The following XKR9 variants were observed in gnomAD, a reference collection of about 807,000 sequenced individuals.
The protein encoded by XKR9 is XK related 9, also known as XK-related protein 9.
Under a neutral mutation model 32.0 loss-of-function variants are expected in XKR9, and 32 were observed. The ratio of observed to expected loss-of-function variants is 1.00; its 90% CI spans 0.76 to 1.34. The LOEUF is 1.34. Among genes scored for constraint, XKR9 ranks in the 40% most tolerant of loss-of-function variants. The pLI is 0.00. For synonymous variants in XKR9, 168 were observed against 143.4 expected, an observed-to-expected ratio of 1.17 and a Z score of -1.22; for missense variants, 546 against 429.7, an observed-to-expected ratio of 1.27 and a Z score of -2.39.
the XKR9 span, among the ~76,000 whole-genome samples, chr8:71,065,403 C>A: frequency 6.6e-6 from 1 of 152,164 alleles, no homozygotes; most frequent in South Asian, 2.1e-4. Context: ...CACCTGCAAA[C>A]CCCAAAGAGA....
chr8:70,836,476 A>C, the XKR9 span, among the ~76,000 whole-genome samples: 1 of 151,960 alleles, frequency 6.6e-6, no homozygotes. Flanking sequence ...TCAGCATACT[A>C]TTTTTGGGTC....
the XKR9 span, among the ~76,000 whole-genome samples, chr8:70,926,348 G>C: frequency 6.6e-6 from 1 of 152,186 alleles, no homozygotes; most frequent in Non-Finnish European, 1.5e-5. Flanking sequence ...TGGGATTACA[G>C]GCGTGAGCCA....
chr8:70,682,759 T>C (rs1454383226), intron 3 of XKR9, among the ~76,000 whole-genome samples: 1 of 152,224 alleles, frequency 6.6e-6, no homozygotes, highest in African/African-American at 2.4e-5. Context: ...AAGCCTGTTT[T>C]GCTTTTTCAA....
the XKR9 span, among the ~76,000 whole-genome samples, chr8:70,962,178 T>C: frequency 3.3e-5 from 5 of 152,262 alleles, no homozygotes; most frequent in African/African-American, 1.2e-4. Context: ...TTAAATATCT[T>C]AGTAAGTTGT....
chr8:70,673,104 G>A (rs903911068), intron 1 of XKR9, among the ~76,000 whole-genome samples: 2 of 152,048 alleles, frequency 1.3e-5, no homozygotes, highest in East Asian at 1.9e-4. Flanking sequence ...AGTCGTATGT[G>A]CTTTTGAGGT....
intron 4 of XKR9, among the ~76,000 whole-genome samples, chr8:70,724,885 A>G (rs1397605255): frequency 1.3e-5 from 2 of 152,066 alleles, no homozygotes; most frequent in Non-Finnish European, 2.9e-5. Flanking sequence ...TCTGTTACCA[A>G]TTTACTGTAT....
chr8:70,888,285 T>G, the XKR9 span, among the ~76,000 whole-genome samples: 1 of 152,156 alleles, frequency 6.6e-6, no homozygotes, highest in Non-Finnish European at 1.5e-5. Flanking sequence ...CATGTTTAAA[T>G]TAGATTATTT....
At chr8:70,904,575 A>G in the XKR9 span, among the ~76,000 whole-genome samples, 2 of 152,070 alleles carry the variant, frequency 1.3e-5, no homozygotes, top group African/African-American at 4.8e-5. Context: ...TCTTTATCCA[A>G]TTTGCCAGTC....
At chr8:70,989,022 C>T in the XKR9 span, among the ~76,000 whole-genome samples, 2 of 152,166 alleles carry the variant, frequency 1.3e-5, no homozygotes, top group African/African-American at 2.4e-5. Context: ...TATTATATTC[C>T]ATTACACGTA....
chr8:70,818,227 A>G, the XKR9 span, among the ~76,000 whole-genome samples: 1 of 150,950 alleles, frequency 6.6e-6, no homozygotes, highest in Middle Eastern at 3.4e-3. Flanking sequence ...CCACATGATT[A>G]TCTCTTTTAT....
At chr8:70,951,869 G>GA in the XKR9 span, among the ~76,000 whole-genome samples, 1 of 100,534 alleles carries the variant, frequency 9.9e-6, no homozygotes, top group Non-Finnish European at 1.9e-5. Context: ...AGCATCATTG[G>GA]GGGGGGGGTG....
the XKR9 span, among the ~76,000 whole-genome samples, chr8:70,958,341 C>A: frequency 6.6e-6 from 1 of 152,194 alleles, no homozygotes; most frequent in Non-Finnish European, 1.5e-5. Context: ...CTTCCTATTT[C>A]TCCACAACCT....
At chr8:70,821,628 C>T in the XKR9 span, among the ~76,000 whole-genome samples, 1 of 152,230 alleles carries the variant, frequency 6.6e-6, no homozygotes, top group African/African-American at 2.4e-5. Context: ...GGTTCCCAAA[C>T]CTCAACTCTT....
chr8:70,818,853 G>A, the XKR9 span, among the ~76,000 whole-genome samples: 25 of 152,154 alleles, frequency 1.6e-4, no homozygotes, highest in Admixed American at 7.9e-4. Flanking sequence ...GACCAAGTCC[G>A]TGGCCAGTCA....
At chr8:70,732,773 A>G (rs999723986) in intron 4 of XKR9, among the ~76,000 whole-genome samples, 2 of 152,206 alleles carry the variant, frequency 1.3e-5, no homozygotes, top group Non-Finnish European at 2.9e-5. Flanking sequence ...TGTCCTCATT[A>G]TCTTCATCAA....
the XKR9 span, among the ~76,000 whole-genome samples, chr8:70,955,081 T>C: frequency 6.6e-6 from 1 of 152,354 alleles, no homozygotes; most frequent in East Asian, 1.9e-4. Flanking sequence ...TGGCTGGAAA[T>C]TAAGAAACTT....
the XKR9 span, among the ~76,000 whole-genome samples, chr8:70,819,169 T>A: frequency 5.6e-4 from 85 of 152,308 alleles, no homozygotes; most frequent in African/African-American, 2.0e-3. Flanking sequence ...TAGCACTGCA[T>A]GGAAACAGAT....
chr8:70,731,083 A>C (rs1806647967), intron 4 of XKR9, among the ~76,000 whole-genome samples: 1 of 152,202 alleles, frequency 6.6e-6, no homozygotes, highest in Admixed American at 6.5e-5. Context: ...GCAGCCTTAT[A>C]GGGGCCCTAA....
At chr8:70,698,200 T>A (rs1184092118) in intron 3 of XKR9, among the ~76,000 whole-genome samples, 2 of 151,702 alleles carry the variant, frequency 1.3e-5, no homozygotes, top group Non-Finnish European at 3.0e-5. Context: ...TCTGCTCTGA[T>A]TTTAGTTATT....
Sources: gnomAD v4.1 joint callset for allele counts (sites outside exome capture counted in the v4.1 genomes callset) on GRCh38, gnomAD v4.1.1 for gene constraint, MANE v1.5 for transcripts, NCBI Gene and HGNC (gene_info 2026-07-23, HGNC 2026-07-21) for gene names.